Variants in NELL1 observed in about 807,000 individuals in gnomAD.
NELL1 encodes the protein neural EGFL like 1.
Under a neutral mutation model 107.4 loss-of-function variants are expected in NELL1, and 76 were observed. The ratio of observed to expected loss-of-function variants is 0.71; its 90% CI spans 0.59 to 0.86. NELL1 has a LOEUF of 0.86. NELL1 is among the 40% of genes least tolerant of loss of function. The pLI, the probability that NELL1 is intolerant of heterozygous loss-of-function variation, is 0.00. For synonymous variants in NELL1, 353 were observed against 341.2 expected (o/e 1.03, Z -0.38); for missense variants, 1,024 against 1,005.5 (o/e 1.02, Z -0.25).
At chr11:21,459,283 A>G (rs985371907) in intron 15 of NELL1, among the ~76,000 whole-genome samples, 1 of 150,130 alleles carries the variant, frequency 6.7e-6, no homozygotes, top group African/African-American at 2.4e-5. Flanking sequence ...GCTATAAATG[A>G]AGTAACCTGC....
chr11:21,176,868 A>T (rs1159962002), intron 13 of NELL1, among the ~76,000 whole-genome samples: 1 of 151,610 alleles, frequency 6.6e-6, no homozygotes, highest in Non-Finnish European at 1.5e-5. Flanking sequence ...TTGTTATTGC[A>T]CCCCAAACTG....
intron 15 of NELL1, among the ~76,000 whole-genome samples, chr11:21,476,339 A>G (rs970681945): frequency 1.3e-5 from 2 of 152,196 alleles, no homozygotes; most frequent in Admixed American, 1.3e-4. Flanking sequence ...GAAAATCAAT[A>G]GAGGGTAGCA....
At chr11:21,370,642 T>G (rs147358226) in intron 14 of NELL1, among the ~76,000 whole-genome samples, 117 of 152,204 alleles carry the variant, frequency 7.7e-4, no homozygotes, top group Non-Finnish European at 1.4e-3. Context: ...GCTAAACATT[T>G]TACATCTGTT....
chr11:20,790,571 T>G (rs1857053524), intron 3 of NELL1, among the ~76,000 whole-genome samples: 1 of 152,134 alleles, frequency 6.6e-6, no homozygotes, highest in African/African-American at 2.4e-5. Context: ...TTGGGGCTCT[T>G]GCCTGCTTGG....
At chr11:20,811,799 A>G (rs1191680230) in intron 3 of NELL1, among the ~76,000 whole-genome samples, 1 of 152,072 alleles carries the variant, frequency 6.6e-6, no homozygotes, top group Non-Finnish European at 1.5e-5. Context: ...CTGAGACCTT[A>G]TCAAATTTAT....
intron 15 of NELL1, among the ~76,000 whole-genome samples, chr11:21,408,743 A>G (rs991840192): frequency 2.6e-5 from 4 of 152,082 alleles, no homozygotes; most frequent in African/African-American, 4.8e-5. Context: ...GTCTTTGCCC[A>G]TGCCTATGTC....
intron 4 of NELL1, among the ~76,000 whole-genome samples, chr11:20,880,817 G>A (rs1849393484): frequency 6.6e-6 from 1 of 152,146 alleles, no homozygotes; most frequent in African/African-American, 2.4e-5. Flanking sequence ...CGGTCTTGTA[G>A]CTCTGTCCAC....
Position 21,269,967 on chromosome 11 carries a change from T to C in NELL1, c.1549+40513T>C, listed in dbSNP as rs371620534. On this transcript the variant is annotated intron_variant, in intron 14 of 19. Coordinates refer to ENST00000357134, the MANE Select transcript of NELL1 (RefSeq NM_006157.5). The stretch of plus-strand genomic sequence containing the variant: ...TTCTTGTACTCTCTATGAAGTAGTA[T>C]AGTATTATCTAAGGGTATGCTGGGA... 6.6e-4 allele frequency among the ~76,000 whole-genome samples: 100 copies of C among 152,176 alleles called. No homozygotes were observed. The South Asian group carries it at 0.012, about 18-fold the overall frequency.
chr11:21,275,312 A>G (rs188589495), intron 14 of NELL1, among the ~76,000 whole-genome samples: 121 of 152,366 alleles, frequency 7.9e-4, no homozygotes, highest in African/African-American at 2.7e-3. Flanking sequence ...GAAATGGATA[A>G]ATTCCTAGAC....
At chr11:20,873,620 A>G (rs932697200) in intron 4 of NELL1, among the ~76,000 whole-genome samples, 30 of 152,332 alleles carry the variant, frequency 2.0e-4, no homozygotes, top group African/African-American at 7.0e-4. Context: ...GGATGAAGAA[A>G]CAAAGGACTC....
rs1031507369 is a variant in NELL1 at position 21,169,793 on chromosome 11, C to A, written c.1426+56079C>A. The A allele has an allele frequency of 7.4e-6, 10 of 1,353,016 alleles. No homozygotes were observed. In the Admixed American group the frequency reaches 1.3e-4, roughly 18 times the overall value. 83.8% of individuals were successfully genotyped at this position (1,353,016 alleles called of 1,614,324 possible). A position where few individuals can be genotyped will look rare whatever the true frequency, so the allele number is the denominator to read the frequency against. On this transcript the variant is annotated intron_variant, in intron 13 of 19. Transcript: ENST00000357134. ...GGTGGAGTCCCTCCTGCCGGGCACC[C>A]GGAGAGTGGGACAGAATCAGCCTGC...
intron 15 of NELL1, among the ~76,000 whole-genome samples, chr11:21,432,053 A>G (rs995693434): frequency 6.6e-6 from 1 of 152,184 alleles, no homozygotes; most frequent in African/African-American, 2.4e-5. Flanking sequence ...CAATTATAAC[A>G]GTGTATAGCA....
chr11:20,705,301 T>C (rs1854916053), intron 2 of NELL1, among the ~76,000 whole-genome samples: 1 of 152,122 alleles, frequency 6.6e-6, no homozygotes, highest in Non-Finnish European at 1.5e-5. Flanking sequence ...AGCATGGTAC[T>C]GGTACCAAAA....
At chr11:21,530,898 A>G (rs1855975328) in intron 15 of NELL1, among the ~76,000 whole-genome samples, 1 of 151,968 alleles carries the variant, frequency 6.6e-6, no homozygotes, top group African/African-American at 2.4e-5. Flanking sequence ...TTATTTTTTC[A>G]TACATTCATT....
At chr11:20,982,602 G>A (rs1211095992) in intron 12 of NELL1, among the ~76,000 whole-genome samples, 2 of 152,234 alleles carry the variant, frequency 1.3e-5, no homozygotes, top group African/African-American at 4.8e-5. Context: ...TTATTCATAT[G>A]ATGTCTTCAG....
intron 15 of NELL1, among the ~76,000 whole-genome samples, chr11:21,481,526 A>C (rs1475231864): frequency 6.6e-6 from 1 of 152,202 alleles, no homozygotes; most frequent in Admixed American, 6.5e-5. Flanking sequence ...TTCTCTCAAG[A>C]CCTGCTAGAT....
At chr11:21,087,595 G>A (rs1298500979) in intron 12 of NELL1, among the ~76,000 whole-genome samples, 4 of 152,034 alleles carry the variant, frequency 2.6e-5, no homozygotes, top group Non-Finnish European at 5.9e-5. Flanking sequence ...CTGATGTCCT[G>A]GGAAGTTGTT....
At position 20,941,745 on chromosome 11, in the gene NELL1, C is replaced by T. The variant is rs143808913; in HGVS notation, c.1071+3886C>T. ...ATCCTGATTTCTAGAAAATAGAACG[C>T]GAGGCCTAGGTATTTGTGTTGATGC... On this transcript the variant is annotated intron_variant, in intron 10 of 19. Transcript: ENST00000357134. Among the ~76,000 whole-genome samples, 652 of 152,128 alleles carry T rather than the reference C, an allele frequency of 4.3e-3. 7 individuals carry two copies. Among genetic ancestry groups the T allele is most frequent in the African/African-American group, 0.015 (606 of 41,504 alleles).
intron 2 of NELL1, among the ~76,000 whole-genome samples, chr11:20,726,279 A>G (rs918039622): frequency 6.6e-6 from 1 of 152,202 alleles, no homozygotes; most frequent in Non-Finnish European, 1.5e-5. Flanking sequence ...GTTGCATCAA[A>G]TGGTAGTTTT....
Sources: gnomAD v4.1 joint callset for allele counts (sites outside exome capture counted in the v4.1 genomes callset) on GRCh38, gnomAD v4.1.1 for gene constraint, MANE v1.5 for transcripts, NCBI Gene and HGNC (gene_info 2026-07-23, HGNC 2026-07-21) for gene names.